The following CDH13 variants were observed in gnomAD, a reference collection of about 807,000 sequenced individuals.
CDH13 encodes the protein cadherin-13.
CDH13 carries 24 observed loss-of-function variants against 63.8 expected under a neutral mutation model. The observed-to-expected ratio is 0.38, with a 90% CI of 0.27 to 0.53. The LOEUF is 0.53. CDH13 is among the 20% of genes least tolerant of loss of function. The pLI is 0.85. For missense variants in CDH13, 1,049 were observed against 903.1 expected (o/e 1.16, Z -2.07); for synonymous variants, 503 against 355.3 (o/e 1.42, Z -4.67).
intron 7 of CDH13, among the ~76,000 whole-genome samples, chr16:83,601,230 C>T (rs1907761020): frequency 6.6e-6 from 1 of 152,064 alleles, no homozygotes; most frequent in Non-Finnish European, 1.5e-5. Flanking sequence ...GCTGCCTTAC[C>T]AGATGAATGG....
intron 1 of CDH13, among the ~76,000 whole-genome samples, chr16:82,780,198 C>G (rs1269895217): frequency 1.3e-5 from 2 of 151,974 alleles, no homozygotes; most frequent in African/African-American, 4.8e-5. Context: ...AGAAAAAAAC[C>G]CCACATATGT....
intron 7 of CDH13, among the ~76,000 whole-genome samples, chr16:83,581,995 G>C (rs1905653669): frequency 1.3e-5 from 2 of 152,250 alleles, no homozygotes; most frequent in South Asian, 4.1e-4. Flanking sequence ...CTATGGCTCT[G>C]TCCACACTGG....
chr16:82,954,432 G>T (rs1905749602), intron 2 of CDH13: 1 of 152,116 alleles, frequency 6.6e-6, no homozygotes, highest in Non-Finnish European at 1.5e-5. Context: ...AACAGTACCT[G>T]CTGCACTTCC....
At chr16:82,774,072 C>T (rs1053194048) in intron 1 of CDH13, among the ~76,000 whole-genome samples, 4 of 152,008 alleles carry the variant, frequency 2.6e-5, no homozygotes, top group Non-Finnish European at 4.4e-5. Flanking sequence ...AGTAAGACAC[C>T]GTGCCCGGCC....
chr16:83,047,537 A>T lies in CDH13; in HGVS notation c.366+15319A>T, dbSNP rs1474981691. On this transcript the variant is annotated intron_variant, in intron 3 of 13. Transcript: ENST00000567109. This position sits in a 1 kb window ranked among gnomAD's most constrained non-coding sequence, Gnocchi z 4.9. The stretch of plus-strand genomic sequence containing the variant: ...ATGGAAGGGGAGGATAAGAAAGAAG[A>T]CCTAAAAACTGAATTTTTAAAATAC... Among the ~76,000 whole-genome samples, 4 of 152,188 alleles carry T rather than the reference A, an allele frequency of 2.6e-5. No homozygotes were observed. The highest frequency in any genetic ancestry group is 5.9e-5 in the Non-Finnish European group (4 of 68,040).
chr16:82,920,804 T>C (rs1473593647), intron 2 of CDH13, among the ~76,000 whole-genome samples: 1 of 152,238 alleles, frequency 6.6e-6, no homozygotes, highest in Non-Finnish European at 1.5e-5. Flanking sequence ...TTGTTTCTGA[T>C]GTTAAGTGGA....
rs117895908 is a variant in CDH13, at chr16:82,996,236, T to C, written c.158-35774T>C. ...TTTCCTGTTGTATATCGAAAATCAG[T>C]TGAGAAGTAATGAAAATGGTAAGAA... is the stretch of plus-strand genomic sequence containing the variant. On this transcript the variant is annotated intron_variant, in intron 2 of 13. Coordinates refer to ENST00000567109, the MANE Select transcript of CDH13 (RefSeq NM_001257.5). 2.9e-3 allele frequency among the ~76,000 whole-genome samples: 444 copies of C among 152,062 alleles called. 6 individuals are homozygous for C. The East Asian group carries it at 0.033, about 11-fold the overall frequency.
chr16:83,202,040 C>T (rs977633291), intron 4 of CDH13, among the ~76,000 whole-genome samples: 3 of 152,202 alleles, frequency 2.0e-5, no homozygotes, highest in African/African-American at 4.8e-5. Context: ...TTTCAGTTTT[C>T]CCTGTAGGCT....
At chr16:82,892,463 G>A (rs997975194) in intron 2 of CDH13, among the ~76,000 whole-genome samples, 4 of 152,158 alleles carry the variant, frequency 2.6e-5, no homozygotes, top group African/African-American at 9.7e-5. Flanking sequence ...TGTGCTGTCT[G>A]CCCTGAAAAC....
In CDH13 at chr16:82,709,634, C is replaced by T. The variant is rs564479779; in HGVS notation, c.45+82497C>T. Among the ~76,000 whole-genome samples, 71 of 152,266 alleles carry T rather than the reference C, an allele frequency of 4.7e-4. No homozygotes were observed. The South Asian group carries it at 6.2e-3, about 13-fold the overall frequency. On this transcript the variant is annotated intron_variant, in intron 1 of 13. Coordinates refer to ENST00000567109, the MANE Select transcript of CDH13 (RefSeq NM_001257.5). ...TGTCAAGTATTTGGCCCAGCGACTGCGACATAGCAAGTGTTGGCTGAAGAT... is the reference window on the plus strand; with the variant it reads ...TGTCAAGTATTTGGCCCAGCGACTGTGACATAGCAAGTGTTGGCTGAAGAT...
chr16:83,001,458 C>G (rs528844890), intron 2 of CDH13, among the ~76,000 whole-genome samples: 1 of 152,194 alleles, frequency 6.6e-6, no homozygotes, highest in Non-Finnish European at 1.5e-5. Flanking sequence ...CTCCAATGGG[C>G]CAGTATTCAA....
chr16:83,087,697 A>AAAAAAAAAAAAC (rs1567817140), intron 3 of CDH13, among the ~76,000 whole-genome samples: 7 of 144,390 alleles, frequency 4.8e-5, no homozygotes, highest in African/African-American at 1.9e-4. Context: ...AAAAAAAAAA[A>AAAAAAAAAAAAC]GCCTAGCACC....
intron 1 of CDH13, among the ~76,000 whole-genome samples, chr16:82,762,199 G>A (rs952621389): frequency 5.3e-5 from 8 of 152,182 alleles, no homozygotes; most frequent in African/African-American, 1.9e-4. Context: ...TCCCAAAGAT[G>A]AAATGAAGAG....
chr16:83,547,723 C>T (rs1412634087), intron 7 of CDH13, among the ~76,000 whole-genome samples: 1 of 152,086 alleles, frequency 6.6e-6, no homozygotes, highest in Non-Finnish European at 1.5e-5. Flanking sequence ...AGTTTGCTTC[C>T]ATGTCTTTGC....
intron 2 of CDH13, among the ~76,000 whole-genome samples, chr16:82,910,417 C>G (rs1348176945): frequency 6.6e-6 from 1 of 152,138 alleles, no homozygotes; most frequent in Non-Finnish European, 1.5e-5. Context: ...CAGCCCCTAC[C>G]TTTTGTCCCT....
At chr16:82,904,945 A>T (rs755003359) in intron 2 of CDH13, among the ~76,000 whole-genome samples, 1 of 152,040 alleles carries the variant, frequency 6.6e-6, no homozygotes, top group Non-Finnish European at 1.5e-5. Flanking sequence ...CCCTAAATGA[A>T]CCCAGGTTTC....
At chr16:83,776,098 T>G (rs1440615116) in intron 11 of CDH13, among the ~76,000 whole-genome samples, 1 of 152,148 alleles carries the variant, frequency 6.6e-6, no homozygotes, top group Non-Finnish European at 1.5e-5. Flanking sequence ...AGTAACAAAC[T>G]CATCTTACTA....
chr16:83,762,476 A>G (rs1450033547), intron 11 of CDH13, among the ~76,000 whole-genome samples: 2 of 152,226 alleles, frequency 1.3e-5, no homozygotes, highest in Non-Finnish European at 2.9e-5. Flanking sequence ...ATGTGCTGGC[A>G]GTGGAGCAAG....
intron 10 of CDH13, among the ~76,000 whole-genome samples, chr16:83,719,517 G>A (rs1043550095): frequency 4.6e-5 from 7 of 152,038 alleles, no homozygotes; most frequent in African/African-American, 9.7e-5. Context: ...CTTTTCCAGC[G>A]CCACATTTTC....
Sources: gnomAD v4.1 joint callset for allele counts (sites outside exome capture counted in the v4.1 genomes callset) on GRCh38, gnomAD v4.1.1 for gene constraint, Gnocchi (gnomAD v3.1) non-coding constraint, MANE v1.5 for transcripts, NCBI Gene and HGNC (gene_info 2026-07-23, HGNC 2026-07-21) for gene names.